SOX6: variants seen among roughly 807,000 people sequenced by gnomAD.
SOX6 encodes the protein SRY-box transcription factor 6.
Under a neutral mutation model 97.8 loss-of-function variants are expected in SOX6, and 11 were observed. That is an observed-to-expected ratio of 0.11 (90% CI 0.07 to 0.19). The LOEUF (loss-of-function observed/expected upper bound fraction) is 0.19, where lower values mean the gene tolerates loss of function less well. SOX6 is among the 10% of genes least tolerant of loss of function. The probability of loss-of-function intolerance (pLI) is 1.00; values close to 1 mark genes in which losing one functional copy is unlikely to be tolerated. For missense variants in SOX6, 810 were observed against 1,039.5 expected, an observed-to-expected ratio of 0.78 and a Z score of 3.04; for synonymous variants, 360 against 371.4, an observed-to-expected ratio of 0.97 and a Z score of 0.35.
chr11:16,400,793 A>G (rs1858535274), intron 1 of SOX6, among the ~76,000 whole-genome samples: 2 of 151,516 alleles, frequency 1.3e-5, no homozygotes, highest in Non-Finnish European at 3.0e-5. Context: ...TAGATAAAAG[A>G]CTTGTATGAA....
intron 4 of SOX6, among the ~76,000 whole-genome samples, chr11:16,220,686 C>T (rs779454632): frequency 2.4e-4 from 36 of 151,930 alleles, no homozygotes; most frequent in Non-Finnish European, 4.7e-4. Context: ...AACTATTTAC[C>T]AAGAATCTAT....
chr11:16,005,090 A>C (rs1564903219), intron 13 of SOX6, among the ~76,000 whole-genome samples: 2 of 151,942 alleles, frequency 1.3e-5, no homozygotes, highest in South Asian at 2.1e-4. Flanking sequence ...AGAACATAGG[A>C]GGTGCTTAAC....
chr11:16,135,862 C>T (rs1351509916), intron 6 of SOX6, among the ~76,000 whole-genome samples: 1 of 152,146 alleles, frequency 6.6e-6, no homozygotes, highest in Non-Finnish European at 1.5e-5. Flanking sequence ...GCAGAGAAAT[C>T]TTTCGTGAAA....
intron 3 of SOX6, among the ~76,000 whole-genome samples, chr11:16,272,082 T>C (rs540838248): frequency 5.3e-5 from 8 of 151,666 alleles, no homozygotes; most frequent in African/African-American, 1.9e-4. Context: ...ATTCAGATTA[T>C]ATTTCCCCTT....
intron 12 of SOX6, among the ~76,000 whole-genome samples, chr11:16,042,137 A>G (rs1425671388): frequency 2.6e-5 from 4 of 152,310 alleles, no homozygotes; most frequent in African/African-American, 9.6e-5. Flanking sequence ...CAGAGAGGTT[A>G]AATAATTTAC....
intron 15 of SOX6, among the ~76,000 whole-genome samples, chr11:15,974,378 C>CTTTTTTTTTTTTTTT (rs35597667): frequency 6.7e-4 from 57 of 85,682 alleles, no homozygotes; most frequent in African/African-American, 8.1e-4. Context: ...TTAGCTCTCT[C>CTTTTTTTTTTTTTTT]TTTTTTTTTT....
At chr11:16,708,671 C>G (rs993502668) in intron 3 of SOX6, among the ~76,000 whole-genome samples, 1 of 152,178 alleles carries the variant, frequency 6.6e-6, no homozygotes, top group South Asian at 2.1e-4. Flanking sequence ...TAAAGCTACT[C>G]ATTAAATTAT....
intron 9 of SOX6, among the ~76,000 whole-genome samples, chr11:16,083,697 A>T (rs1434541943): frequency 6.6e-6 from 1 of 152,190 alleles, no homozygotes; most frequent in Non-Finnish European, 1.5e-5. Context: ...GGTCAAGTTA[A>T]TCTATCTCTC....
chr11:16,426,672 T>C (rs1199247676), intron 1 of SOX6, among the ~76,000 whole-genome samples: 1 of 151,902 alleles, frequency 6.6e-6, no homozygotes, highest in East Asian at 1.9e-4. Flanking sequence ...CCCAGCATTT[T>C]GGGAGGCCGA....
chr11:16,479,063 AT>A (rs1165970349), upstream of SOX6, among the ~76,000 whole-genome samples: 6 of 152,200 alleles, frequency 3.9e-5, no homozygotes, highest in African/African-American at 9.7e-5. Context: ...ATTAAAAAAA[AT>A]AATGGCCTTT....
intron 4 of SOX6, among the ~76,000 whole-genome samples, chr11:16,509,685 T>C (rs924498415): frequency 1.3e-5 from 2 of 152,066 alleles, no homozygotes; most frequent in African/African-American, 4.8e-5. Flanking sequence ...ACTCCCTTTT[T>C]AAATTTTTAA....
intron 4 of SOX6, among the ~76,000 whole-genome samples, chr11:16,576,381 G>C (rs1847984830): frequency 6.6e-6 from 1 of 151,828 alleles, no homozygotes; most frequent in African/African-American, 2.4e-5. Context: ...AAAAGTTAAA[G>C]ACTGGAAACA....
chr11:16,732,383 A>T lies in SOX6; in HGVS notation n.353+3956T>A, dbSNP rs137943442. On this transcript the variant is annotated intron_variant and non_coding_transcript_variant, in intron 2 of 5. Coordinates refer to the SOX6 transcript ENST00000524520. Reference sequence around the variant, plus strand: ...AAAACAGCATGGTACTGGTACCAAAACAGACATATAGACCAACAGAACAGA... The same window carrying T: ...AAAACAGCATGGTACTGGTACCAAATCAGACATATAGACCAACAGAACAGA... 3.4e-3 allele frequency among the ~76,000 whole-genome samples: 525 copies of T among 152,332 alleles called. 11 individuals carry two copies. In the East Asian group the frequency reaches 0.066, roughly 19 times the overall value.
chr11:16,666,779 G>C (rs117648951), intron 3 of SOX6, among the ~76,000 whole-genome samples: 448 of 152,012 alleles, frequency 2.9e-3, no homozygotes, highest in Non-Finnish European at 4.1e-3. Flanking sequence ...CTGGATGACA[G>C]AGTGGGACAC....
At chr11:16,549,192 G>A (rs571776663) in intron 4 of SOX6, among the ~76,000 whole-genome samples, 48 of 151,952 alleles carry the variant, frequency 3.2e-4, no homozygotes, top group African/African-American at 8.0e-4. Context: ...TTTTTGAGGC[G>A]GCATTTCACT....
At chr11:16,067,721 C>T (rs1848126480) in intron 9 of SOX6, among the ~76,000 whole-genome samples, 1 of 152,142 alleles carries the variant, frequency 6.6e-6, no homozygotes, top group African/African-American at 2.4e-5. Flanking sequence ...GGATACCCCA[C>T]ATTATATGAT....
intron 4 of SOX6, among the ~76,000 whole-genome samples, chr11:16,553,897 C>A (rs1236737569): frequency 6.6e-6 from 1 of 152,074 alleles, no homozygotes; most frequent in Non-Finnish European, 1.5e-5. Flanking sequence ...AAATAGACCA[C>A]TTTCTCTCAC....
intron 5 of SOX6, among the ~76,000 whole-genome samples, chr11:16,185,417 G>T (rs1851444767): frequency 6.6e-6 from 1 of 152,098 alleles, no homozygotes; most frequent in South Asian, 2.1e-4. Flanking sequence ...AATATTGATG[G>T]TCCCTCCTAA....
intron 3 of SOX6, chr11:16,283,736 C>T: frequency 4.0e-6 from 1 of 248,566 alleles, no homozygotes; most frequent in South Asian, 4.0e-5. Context: ...AAACCTATAA[C>T]AAAGAATGAT....
Sources: allele counts gnomAD v4.1 joint callset (sites outside exome capture counted in the v4.1 genomes callset), GRCh38; gene constraint gnomAD v4.1.1; transcripts MANE v1.5; gene names NCBI Gene and HGNC (gene_info 2026-07-23, HGNC 2026-07-21).